Variants in RBMS3 observed in about 807,000 individuals in gnomAD.
RBMS3 encodes RNA-binding motif, single-stranded-interacting protein 3.
A neutral mutation model predicts 66.8 loss-of-function variants in RBMS3; 27 were observed. The observed-to-expected ratio is 0.40, with a 90% CI of 0.30 to 0.56. The LOEUF (loss-of-function observed/expected upper bound fraction) is 0.56, where lower values mean the gene tolerates loss of function less well. Ranked by LOEUF, RBMS3 falls within the 20% of genes least tolerant of loss-of-function variation. The pLI is 0.40. For missense variants in RBMS3, 513 were observed against 549.5 expected (o/e 0.93, Z 0.66); for synonymous variants, 188 against 183.0 (o/e 1.03, Z -0.22).
intron 6 of RBMS3, among the ~76,000 whole-genome samples, chr3:29,778,902 C>T (rs1177864785): frequency 6.6e-6 from 1 of 151,854 alleles, no homozygotes; most frequent in Admixed American, 6.6e-5. Flanking sequence ...AGGGGATACA[C>T]TATAGGAGAA....
intron 1 of RBMS3, among the ~76,000 whole-genome samples, chr3:29,331,369 A>G (rs1478483493): frequency 6.6e-6 from 1 of 152,096 alleles, no homozygotes; most frequent in Non-Finnish European, 1.5e-5. Flanking sequence ...CCTTAAGTTA[A>G]GACGAACTCC....
intron 1 of RBMS3, among the ~76,000 whole-genome samples, chr3:29,314,237 G>T (rs1256553298): frequency 6.6e-6 from 1 of 151,696 alleles, no homozygotes; most frequent in Non-Finnish European, 1.5e-5. Flanking sequence ...GTAGTTGGCA[G>T]TTGGCTCCAG....
At chr3:29,706,442 A>T (rs181711929) in intron 4 of RBMS3, among the ~76,000 whole-genome samples, 1 of 152,210 alleles carries the variant, frequency 6.6e-6, no homozygotes, top group Non-Finnish European at 1.5e-5. Context: ...AGCAGGCTCA[A>T]TTGCTCTGCT....
At chr3:29,372,463 T>C (rs1243372024) in intron 1 of RBMS3, among the ~76,000 whole-genome samples, 1 of 152,104 alleles carries the variant, frequency 6.6e-6, no homozygotes, top group Non-Finnish European at 1.5e-5. Context: ...ATAAACAGGA[T>C]GTTACCTAGT....
chr3:29,814,973 G>T (rs2149464368), intron 6 of RBMS3, among the ~76,000 whole-genome samples: 1 of 152,204 alleles, frequency 6.6e-6, no homozygotes, highest in East Asian at 1.9e-4. Context: ...AATCTAAGAG[G>T]ATGCATCTCT....
At chr3:29,604,407 A>T (rs1329798102) in intron 4 of RBMS3, among the ~76,000 whole-genome samples, 1 of 151,890 alleles carries the variant, frequency 6.6e-6, no homozygotes, top group Non-Finnish European at 1.5e-5. Flanking sequence ...AGCCTTTGTG[A>T]CACTTCTATT....
chr3:29,415,218 C>A (rs2040432515), intron 1 of RBMS3, among the ~76,000 whole-genome samples: 1 of 152,182 alleles, frequency 6.6e-6, no homozygotes, highest in Non-Finnish European at 1.5e-5. Context: ...AGAAAACAAG[C>A]AAACTGTAGA....
At chr3:29,527,275 C>T (rs1209490691) in intron 3 of RBMS3, among the ~76,000 whole-genome samples, 1 of 143,276 alleles carries the variant, frequency 7.0e-6, no homozygotes, top group Non-Finnish European at 1.5e-5. Context: ...TACTAAAATA[C>T]AGAATTACAA....
intron 4 of RBMS3, among the ~76,000 whole-genome samples, chr3:29,612,247 C>T (rs984047163): frequency 1.2e-4 from 18 of 151,894 alleles, no homozygotes; most frequent in African/African-American, 4.1e-4. Flanking sequence ...TATATATTTT[C>T]ATATTTATAC....
intron 3 of RBMS3, among the ~76,000 whole-genome samples, chr3:29,542,202 T>C (rs981048130): frequency 6.6e-6 from 1 of 152,166 alleles, no homozygotes. Context: ...TGGGTGAGAT[T>C]AATAATTCAT....
At chr3:29,372,019 C>A (rs1278090652) in intron 1 of RBMS3, among the ~76,000 whole-genome samples, 1 of 152,052 alleles carries the variant, frequency 6.6e-6, no homozygotes, top group African/African-American at 2.4e-5. Context: ...ACTTCTAGAT[C>A]ACAGAACAAC....
intron 3 of RBMS3, among the ~76,000 whole-genome samples, chr3:29,554,413 T>C (rs1321680188): frequency 3.3e-5 from 5 of 152,240 alleles, no homozygotes; most frequent in Non-Finnish European, 7.3e-5. Flanking sequence ...CAGTCAATGC[T>C]GGCTCATGCT....
chr3:29,833,626 C>CCAT (rs1307804989), intron 6 of RBMS3, among the ~76,000 whole-genome samples: 1 of 151,938 alleles, frequency 6.6e-6, no homozygotes, highest in Non-Finnish European at 1.5e-5. Flanking sequence ...TGAAAATATT[C>CCAT]CATCAGAGAT....
chr3:29,690,917 C>T lies in RBMS3; in HGVS notation c.400-48803C>T, dbSNP rs2051974883. ...GGAACTGAAAATCTGTCTCATGTCT[C>T]AGTGCAAAAGAATGGGAATATATTT... On this transcript the variant is annotated intron_variant, in intron 4 of 14. Coordinates refer to ENST00000383767, the MANE Select transcript of RBMS3 (RefSeq NM_001003793.3). Among the ~76,000 whole-genome samples the T allele has an allele frequency of 2.6e-5, 4 of 152,146 alleles. No homozygotes were observed. The South Asian group carries it at 8.3e-4, about 32-fold the overall frequency.
intron 1 of RBMS3, among the ~76,000 whole-genome samples, chr3:29,325,645 T>TACACACACAC (rs139930927): frequency 4.8e-5 from 7 of 146,802 alleles, no homozygotes; most frequent in Admixed American, 6.8e-5. Context: ...TATATACACA[T>TACACACACAC]ACACACACAC....
chr3:29,450,620 A>C (rs959100644), intron 2 of RBMS3, among the ~76,000 whole-genome samples: 3 of 152,082 alleles, frequency 2.0e-5, no homozygotes, highest in Admixed American at 1.3e-4. Context: ...AATTGCTAAA[A>C]CATTGAAATT....
chr3:29,671,639 C>A (rs561760824), intron 4 of RBMS3, among the ~76,000 whole-genome samples: 1 of 152,154 alleles, frequency 6.6e-6, no homozygotes, highest in Admixed American at 6.5e-5. Flanking sequence ...GACACATGCA[C>A]AAGCTTCAGT....
chr3:29,743,287 C>G (rs1358778285), intron 5 of RBMS3, among the ~76,000 whole-genome samples: 1 of 152,214 alleles, frequency 6.6e-6, no homozygotes, highest in Non-Finnish European at 1.5e-5. Flanking sequence ...CCCTTTTCCA[C>G]TCTGCTTTTC....
chr3:29,961,986 A>T (rs370455233), intron 12 of RBMS3, among the ~76,000 whole-genome samples: 1 of 110,356 alleles, frequency 9.1e-6, no homozygotes, highest in East Asian at 2.2e-4. Flanking sequence ...AATATATATT[A>T]ATATATATAA....
Sources: gnomAD v4.1 joint callset for allele counts (sites outside exome capture counted in the v4.1 genomes callset) on GRCh38, gnomAD v4.1.1 for gene constraint, MANE v1.5 for transcripts, NCBI Gene and HGNC (gene_info 2026-07-23, HGNC 2026-07-21) for gene names.